Variants in CLEC1A observed in about 807,000 individuals in gnomAD.
CLEC1A encodes C-type lectin-like receptor-1.
In CLEC1A, 34 loss-of-function variants were observed where a neutral mutation model predicts 28.7. The ratio of observed to expected loss-of-function variants is 1.18; its 90% confidence interval spans 0.90 to 1.57. The LOEUF (loss-of-function observed/expected upper bound fraction) is 1.57, where lower values mean the gene tolerates loss of function less well. Ranked by LOEUF, CLEC1A falls within the 40% of genes most tolerant of loss-of-function variation. The pLI is 0.00. For synonymous variants in CLEC1A, 116 were observed against 121.0 expected (o/e 0.96, Z 0.27); for missense variants, 385 against 339.5 (o/e 1.13, Z -1.05).
intron 1 of CLEC1A, among the ~76,000 whole-genome samples, chr12:10,098,202 C>CTAAAG (rs1336262414): frequency 6.6e-6 from 1 of 151,894 alleles, no homozygotes; most frequent in Non-Finnish European, 1.5e-5. Context: ...TCTTAAGAAC[C>CTAAAG]TAAAGTGTTC....
Position 10,075,334 on chromosome 12 carries a change from T to C in CLEC1A, c.543+170A>G, listed in dbSNP as rs956480389. Among the ~76,000 whole-genome samples the C allele has an allele frequency of 7.2e-5, 11 of 152,240 alleles. No homozygotes were observed. The South Asian group carries it at 1.2e-3, about 17-fold the overall frequency. ...TATTTGTGGAGAACACAACTCCTTC[T>C]ATCTACTTCAGGGGACCGTTCAAAG... On this transcript the variant is annotated intron_variant, in intron 4 of 5. Coordinates refer to ENST00000315330, the MANE Select transcript of CLEC1A (RefSeq NM_016511.4).
rs1341859514 is a variant in CLEC1A, at chr12:10,071,027, G to A, written c.*306C>T. Reference sequence around the variant, plus strand: ...AAGTGTAAGGAAGACATGAAAACAGGGAGGTGATATTAGACATTGAGAAGA... The same window carrying A: ...AAGTGTAAGGAAGACATGAAAACAGAGAGGTGATATTAGACATTGAGAAGA... On this transcript the variant is annotated 3_prime_UTR_variant, in exon 6 of 6. Transcript: ENST00000315330. 4.9e-6 allele frequency: 1 copy of A among 202,184 alleles called. No homozygotes were observed. Among genetic ancestry groups the A allele is most frequent in the Non-Finnish European group, 9.9e-6 (1 of 101,372 alleles). The allele number at this position is 202,184 out of a possible 1,614,324, so 12.5% of individuals were successfully genotyped here. A position where few individuals can be genotyped will look rare whatever the true frequency, so the allele number is the denominator to read the frequency against.
chr12:10,077,414 C>A (rs779410521), intron 3 of CLEC1A, among the ~76,000 whole-genome samples: 3 of 152,064 alleles, frequency 2.0e-5, no homozygotes, highest in Non-Finnish European at 4.4e-5. Flanking sequence ...GTTTTCCCCA[C>A]CTCTCTGCTC....
intron 1 of CLEC1A, among the ~76,000 whole-genome samples, chr12:10,091,440 T>G (rs1947701587): frequency 6.6e-6 from 1 of 152,218 alleles, no homozygotes; most frequent in South Asian, 2.1e-4. Context: ...AACATCTATG[T>G]CAGCAGAAAA....
At chr12:10,090,485 T>C (rs966409080) in intron 1 of CLEC1A, among the ~76,000 whole-genome samples, 8 of 152,090 alleles carry the variant, frequency 5.3e-5, no homozygotes, top group Non-Finnish European at 7.4e-5. Flanking sequence ...GGCTGTTCTC[T>C]AACTCCTGAG....
chr12:10,075,475 T>G (rs1359805757), intron 4 of CLEC1A, 29 bp downstream of exon 4: 1 of 1,610,420 alleles, frequency 6.2e-7, no homozygotes, highest in Non-Finnish European at 8.5e-7. Context: ...TTGAAATCCT[T>G]CAAACATTGA....
At chr12:10,072,975 A>G (rs1192033831) in intron 5 of CLEC1A, among the ~76,000 whole-genome samples, 1 of 152,076 alleles carries the variant, frequency 6.6e-6, no homozygotes, top group Non-Finnish European at 1.5e-5. Context: ...AGCTACTCAG[A>G]AGGCTGAGGT....
At chr12:10,097,437 T>C (rs1430958705) in intron 1 of CLEC1A, among the ~76,000 whole-genome samples, 1 of 152,230 alleles carries the variant, frequency 6.6e-6, no homozygotes, top group African/African-American at 2.4e-5. Flanking sequence ...TAAATGTTTG[T>C]ATTACCATAA....
intron 3 of CLEC1A, among the ~76,000 whole-genome samples, chr12:10,079,640 A>G (rs1410940035): frequency 2.0e-5 from 3 of 151,614 alleles, no homozygotes; most frequent in Non-Finnish European, 2.9e-5. Flanking sequence ...GGCAACATGG[A>G]AAAACCCCGT....
intron 2 of CLEC1A, 94 bp from the exon 3 acceptor site, chr12:10,081,507 G>A: frequency 2.9e-6 from 3 of 1,030,254 alleles, no homozygotes; most frequent in Non-Finnish European, 4.1e-6. Flanking sequence ...ATATTTTTTA[G>A]TATCTCAGGC....
In CLEC1A at chr12:10,075,817, T is replaced by C. The variant is rs76015475; in HGVS notation, c.392-162A>G. Among the ~76,000 whole-genome samples, 46 of 152,338 alleles carry C rather than the reference T, an allele frequency of 3.0e-4. No homozygotes were observed. In the East Asian group the frequency reaches 7.7e-3, roughly 26 times the overall value. On this transcript the variant is annotated intron_variant, in intron 3 of 5. Transcript: ENST00000315330. ...ACTACAATGTTTACTGGATACCTAC[T>C]AACTGCCAGGAATTATAACTGGTCC...
rs1175170387 is a variant in CLEC1A at position 10,081,425 on chromosome 12, G to T, written c.215-12C>A. The T allele has an allele frequency of 3.2e-6, 5 of 1,584,018 alleles. No individual in the cohort carries two copies. The highest frequency in any genetic ancestry group is 4.3e-6 in the Non-Finnish European group (5 of 1,166,258). ...GTAGTACTGAAAAACTAACCCAAATGACCAAGTCAGACTGGACAGCTTATT... is the reference window on the plus strand; with the variant it reads ...GTAGTACTGAAAAACTAACCCAAATTACCAAGTCAGACTGGACAGCTTATT... On this transcript the variant is annotated splice_polypyrimidine_tract_variant and intron_variant, in intron 2 of 5. Coordinates refer to ENST00000315330, the MANE Select transcript of CLEC1A (RefSeq NM_016511.4).
At position 10,073,286 on chromosome 12, in the gene CLEC1A, G is replaced by A; in HGVS notation, c.662+7C>T. The A allele has an allele frequency of 6.3e-7, 1 of 1,589,682 alleles. No individual in the cohort carries two copies. The highest frequency in any genetic ancestry group is 8.6e-7 in the Non-Finnish European group (1 of 1,158,446). ...TGCCTTTCCCATAAAATATCCTGAA[G>A]GCTTACAGTTCAGAAGTGAAAGGGG... On this transcript the variant is annotated splice_region_variant and intron_variant, in intron 5 of 5. Coordinates refer to ENST00000315330, the MANE Select transcript of CLEC1A (RefSeq NM_016511.4).
At chr12:10,072,158 A>G (rs1866148820) in intron 5 of CLEC1A, among the ~76,000 whole-genome samples, 1 of 151,972 alleles carries the variant, frequency 6.6e-6, no homozygotes, top group Non-Finnish European at 1.5e-5. Context: ...TGGTGGCTTA[A>G]AAGGGCCTGG....
intron 1 of CLEC1A, among the ~76,000 whole-genome samples, chr12:10,096,393 T>G (rs1246311780): frequency 6.6e-6 from 1 of 152,196 alleles, no homozygotes; most frequent in Non-Finnish European, 1.5e-5. Flanking sequence ...TATCTGATTC[T>G]TTTTCCTTAT....
intron 1 of CLEC1A, among the ~76,000 whole-genome samples, chr12:10,098,460 T>C (rs1947806655): frequency 6.6e-6 from 1 of 152,186 alleles, no homozygotes; most frequent in Non-Finnish European, 1.5e-5. Flanking sequence ...GCTACCAGGA[T>C]ACTTAAACAA....
Position 10,098,831 on chromosome 12 carries a change from C to G in CLEC1A, c.92G>C (p.Arg31Pro), listed in dbSNP as rs766142837. Residue 31 changes from arginine to proline, a missense_variant, in exon 1 of 6, where the codon CGG becomes CCG. By Grantham distance (103) the Arg-to-Pro change is moderately radical (BLOSUM62 -2). Coordinates refer to ENST00000315330, the MANE Select transcript of CLEC1A (RefSeq NM_016511.4). ...ACCTGTGCGCCGGGGCTCTGGATGC[C>G]GAGTTGTGGCAGAGCCTTGAGAATG... ...SLHSQGSATT[R>P]HPEPRRTEHR... The G allele has an allele frequency of 1.2e-6, 2 of 1,613,138 alleles. No homozygotes were observed. Among genetic ancestry groups the G allele is most frequent in the South Asian group, 2.2e-5 (2 of 90,840 alleles).
chr12:10,076,357 T>G (rs1856860672), intron 3 of CLEC1A, among the ~76,000 whole-genome samples: 1 of 152,224 alleles, frequency 6.6e-6, no homozygotes, highest in African/African-American at 2.4e-5. Flanking sequence ...TAACAATTTC[T>G]TTATTTTAAA....
chr12:10,069,825 AAT>A lies in CLEC1A; in HGVS notation c.*1506_*1507del, dbSNP rs1411516734. The A allele has an allele frequency of 6.6e-6, 1 of 152,212 alleles. No homozygotes were observed. The allele number at this position is 152,212 out of a possible 1,614,324, so 9.4% of individuals were successfully genotyped here. On this transcript the variant is annotated 3_prime_UTR_variant, in exon 6 of 6. Coordinates refer to ENST00000315330, the MANE Select transcript of CLEC1A (RefSeq NM_016511.4). The stretch of plus-strand genomic sequence containing the variant: ...GGAAAGTTCTCAAGGAAGAATCCGC[AAT>A]AGTCTTTGCTAAGTGACAATCTAAC...
Sources: gnomAD v4.1 joint callset for allele counts (sites outside exome capture counted in the v4.1 genomes callset) on GRCh38, gnomAD v4.1.1 for gene constraint, MANE v1.5 for transcripts, NCBI Gene and HGNC (gene_info 2026-07-23, HGNC 2026-07-21) for gene names.